Variants in ACCSL observed in about 807,000 individuals in gnomAD.
ACCSL encodes the protein probable inactive 1-aminocyclopropane-1-carboxylate synthase-like protein 2.
A neutral mutation model predicts 61.7 loss-of-function variants in ACCSL; 55 were observed. The observed-to-expected ratio is 0.89, with a 90% CI of 0.72 to 1.12. The LOEUF is 1.12. ACCSL is among the 50% of genes most tolerant of loss of function. The probability of loss-of-function intolerance (pLI) is 0.00; values close to 1 mark genes in which losing one functional copy is unlikely to be tolerated. For missense variants in ACCSL, 632 were observed against 698.0 expected (o/e 0.91, Z 1.07); for synonymous variants, 258 against 264.3 (o/e 0.98, Z 0.23).
the ACCSL span, among the ~76,000 whole-genome samples, chr11:43,992,516 G>C: frequency 2.6e-5 from 4 of 152,152 alleles, no homozygotes; most frequent in Non-Finnish European, 5.9e-5. Flanking sequence ...CAGCTGCTGG[G>C]CAGGAACGGG....
At chr11:43,951,696 G>C in the ACCSL span, among the ~76,000 whole-genome samples, 1 of 152,326 alleles carries the variant, frequency 6.6e-6, no homozygotes, top group East Asian at 1.9e-4. Context: ...AGCTGTAACA[G>C]GGGTTGTTAT....
the ACCSL span, among the ~76,000 whole-genome samples, chr11:43,950,078 A>G: frequency 2.4e-4 from 37 of 152,322 alleles, no homozygotes; most frequent in East Asian, 6.4e-3. Flanking sequence ...GCCAGACTAC[A>G]TTGTGTATTC....
the ACCSL span, among the ~76,000 whole-genome samples, chr11:43,981,178 G>A: frequency 6.6e-6 from 1 of 152,214 alleles, no homozygotes; most frequent in Admixed American, 6.5e-5. Flanking sequence ...GACTTTATCC[G>A]CCTGGGGACC....
chr11:44,059,792 A>G (rs1450012636), intron 13 of ACCSL, 46 bp from the exon 14 acceptor site: 1 of 1,569,900 alleles, frequency 6.4e-7, no homozygotes, highest in Non-Finnish European at 8.7e-7. Context: ...CCACCAGCAA[A>G]CCTACTAAAT....
At chr11:44,037,045 T>C in the ACCSL span, among the ~76,000 whole-genome samples, 1 of 152,158 alleles carries the variant, frequency 6.6e-6, no homozygotes, top group Non-Finnish European at 1.5e-5. Flanking sequence ...TGGGGAGAGC[T>C]GAGGGCAGCT....
the ACCSL span, among the ~76,000 whole-genome samples, chr11:44,021,707 A>T: frequency 6.6e-6 from 1 of 152,100 alleles, no homozygotes; most frequent in Non-Finnish European, 1.5e-5. Context: ...CAGTGTCTAG[A>T]AGAGTTTTTC....
chr11:43,984,439 A>T, the ACCSL span, among the ~76,000 whole-genome samples: 1 of 152,208 alleles, frequency 6.6e-6, no homozygotes, highest in Non-Finnish European at 1.5e-5. Context: ...GAGGAGACCC[A>T]GATGAATGGA....
At chr11:43,921,814 C>G in the ACCSL span, among the ~76,000 whole-genome samples, 1 of 152,184 alleles carries the variant, frequency 6.6e-6, no homozygotes, top group East Asian at 1.9e-4. Flanking sequence ...AGCAAATCTT[C>G]AGTTTTGTTT....
chr11:43,928,333 G>C, the ACCSL span, among the ~76,000 whole-genome samples: 1 of 152,094 alleles, frequency 6.6e-6, no homozygotes, highest in African/African-American at 2.4e-5. Flanking sequence ...TTCTAGTGCT[G>C]GTAACACCCC....
upstream of ACCSL, among the ~76,000 whole-genome samples, chr11:44,043,130 G>A (rs78909859): frequency 0.079 from 11,953 of 152,042 alleles, 484 homozygotes; most frequent in Non-Finnish European, 0.091. Flanking sequence ...GACTTAGTTC[G>A]CTATAGCTAC....
At chr11:43,966,062 A>G in the ACCSL span, among the ~76,000 whole-genome samples, 1 of 151,588 alleles carries the variant, frequency 6.6e-6, no homozygotes, top group African/African-American at 2.4e-5. Flanking sequence ...ATGGTTTCTT[A>G]GATATAACAA....
At chr11:44,031,858 C>T in the ACCSL span, among the ~76,000 whole-genome samples, 7 of 152,046 alleles carry the variant, frequency 4.6e-5, no homozygotes, top group African/African-American at 1.7e-4. Flanking sequence ...GGTGGACAGT[C>T]GCGGGGGCTG....
At chr11:44,035,122 A>G in the ACCSL span, among the ~76,000 whole-genome samples, 6 of 152,118 alleles carry the variant, frequency 3.9e-5, no homozygotes, top group African/African-American at 1.4e-4. Flanking sequence ...TTGCCCAACT[A>G]TCCTACCTAA....
chr11:44,057,838 C>G (rs1483871449), intron 11 of ACCSL, among the ~76,000 whole-genome samples: 1 of 152,224 alleles, frequency 6.6e-6, no homozygotes, highest in Non-Finnish European at 1.5e-5. Context: ...GTGGGTGTAT[C>G]AGGTGTGGAC....
chr11:43,989,032 A>G, the ACCSL span, among the ~76,000 whole-genome samples: 32 of 152,058 alleles, frequency 2.1e-4, no homozygotes, highest in Non-Finnish European at 3.5e-4. Context: ...CTGGTGAATC[A>G]CAAACTCGGT....
chr11:43,959,822 C>T, the ACCSL span, among the ~76,000 whole-genome samples: 1 of 152,178 alleles, frequency 6.6e-6, no homozygotes, highest in Non-Finnish European at 1.5e-5. Flanking sequence ...TTCTCTGAGA[C>T]CACAGCACCC....
At chr11:44,030,034 ATG>A in the ACCSL span, among the ~76,000 whole-genome samples, 7 of 14,454 alleles carry the variant, frequency 4.8e-4, no homozygotes, top group Admixed American at 2.5e-3. Flanking sequence ...ATTTTATTTT[ATG>A]TTTGCTTGTT....
At chr11:44,053,264 C>G in intron 7 of ACCSL, 142 bp from the exon 8 acceptor site, 1 of 862,490 alleles carries the variant, frequency 1.2e-6, no homozygotes, top group Non-Finnish European at 1.8e-6. Context: ...TCCTGTTTCC[C>G]CTCTTTGGGC....
the ACCSL span, among the ~76,000 whole-genome samples, chr11:44,006,094 T>A: frequency 6.6e-6 from 1 of 152,172 alleles, no homozygotes; most frequent in African/African-American, 2.4e-5. Flanking sequence ...AGACTACTTC[T>A]CCTGGATCCC....
Sources: gnomAD v4.1 joint callset for allele counts (sites outside exome capture counted in the v4.1 genomes callset) on GRCh38, gnomAD v4.1.1 for gene constraint, MANE v1.5 for transcripts, NCBI Gene and HGNC (gene_info 2026-07-23, HGNC 2026-07-21) for gene names.